CTNNA3: variants seen among roughly 807,000 people sequenced by gnomAD.
CTNNA3 encodes the protein catenin alpha-3.
Under a neutral mutation model 95.7 loss-of-function variants are expected in CTNNA3, and 76 were observed. The ratio of observed to expected loss-of-function variants is 0.79; its 90% CI spans 0.66 to 0.96. CTNNA3 has a LOEUF of 0.96. CTNNA3 is among the 40% of genes least tolerant of loss of function. CTNNA3 has a pLI of 0.00. For synonymous variants in CTNNA3, 431 were observed against 374.4 expected (o/e 1.15, Z -1.74); for missense variants, 1,191 against 1,089.8 (o/e 1.09, Z -1.31).
intron 7 of CTNNA3, among the ~76,000 whole-genome samples, chr10:67,007,148 A>G (rs1378082015): frequency 6.6e-6 from 1 of 152,180 alleles, no homozygotes; most frequent in Non-Finnish European, 1.5e-5. Flanking sequence ...TAGGTTCAAG[A>G]GCATTGTCAA....
intron 7 of CTNNA3, among the ~76,000 whole-genome samples, chr10:66,858,116 T>C (rs1387760333): frequency 6.6e-6 from 1 of 152,068 alleles, no homozygotes. Flanking sequence ...CATGAAAAGA[T>C]GTTAAATTGT....
At chr10:67,636,554 A>T (rs4384298) in intron 2 of CTNNA3, among the ~76,000 whole-genome samples, 20,114 of 152,102 alleles carry the variant, frequency 0.13, 2,365 homozygotes, top group African/African-American at 0.32. Context: ...AACCTGACAA[A>T]AACAAGCAAT....
chr10:66,106,863 G>T (rs1414645844), intron 13 of CTNNA3, among the ~76,000 whole-genome samples: 1 of 151,950 alleles, frequency 6.6e-6, no homozygotes, highest in African/African-American at 2.4e-5. Flanking sequence ...CTGTCCTTTA[G>T]ATTCTACACA....
intron 12 of CTNNA3, among the ~76,000 whole-genome samples, chr10:66,303,385 C>T (rs915887768): frequency 1.3e-5 from 2 of 151,832 alleles, no homozygotes; most frequent in Non-Finnish European, 2.9e-5. Context: ...TTAAGATGCA[C>T]AGTAAAATAA....
chr10:67,100,695 G>T (rs139302041), intron 7 of CTNNA3, among the ~76,000 whole-genome samples: 5 of 151,736 alleles, frequency 3.3e-5, no homozygotes, highest in African/African-American at 9.6e-5. Flanking sequence ...GCCAGCAGCT[G>T]CAGCAAACCA....
At chr10:67,616,442 TCCGTTGCTGTAGC>T (rs1843659035) in intron 2 of CTNNA3, among the ~76,000 whole-genome samples, 1 of 151,902 alleles carries the variant, frequency 6.6e-6, no homozygotes, top group Admixed American at 6.6e-5. Flanking sequence ...CAGTTAGGAG[TCCGTTGCTGTAGC>T]CCAAGTGAAG....
intron 5 of CTNNA3, among the ~76,000 whole-genome samples, chr10:67,347,468 C>A (rs999302600): frequency 6.6e-6 from 1 of 152,118 alleles, no homozygotes; most frequent in Non-Finnish European, 1.5e-5. Flanking sequence ...TAAAAAAATT[C>A]GTTCAATCAT....
At chr10:67,374,079 T>C (rs1300879985) in intron 5 of CTNNA3, among the ~76,000 whole-genome samples, 1 of 152,198 alleles carries the variant, frequency 6.6e-6, no homozygotes. Flanking sequence ...CAGACCACTG[T>C]AGTAAATTAT....
At chr10:66,814,460 G>A (rs1453804326) in intron 7 of CTNNA3, among the ~76,000 whole-genome samples, 5 of 151,942 alleles carry the variant, frequency 3.3e-5, no homozygotes, top group African/African-American at 9.7e-5. Context: ...GCAAAAAGAC[G>A]GGCTGGGTGC....
chr10:66,285,542 T>C (rs986344315), intron 12 of CTNNA3, among the ~76,000 whole-genome samples: 2 of 151,904 alleles, frequency 1.3e-5, no homozygotes, highest in Non-Finnish European at 2.9e-5. Context: ...CATTTTCTAA[T>C]TTGTTTACAT....
intron 4 of CTNNA3, among the ~76,000 whole-genome samples, chr10:67,525,875 A>G (rs746047007): frequency 6.6e-6 from 1 of 152,172 alleles, no homozygotes; most frequent in African/African-American, 2.4e-5. Context: ...TATTTCATGC[A>G]TTTATACGAG....
At chr10:66,754,073 C>A (rs768626212) in intron 9 of CTNNA3, among the ~76,000 whole-genome samples, 2 of 152,126 alleles carry the variant, frequency 1.3e-5, no homozygotes, top group African/African-American at 2.4e-5. Flanking sequence ...AAAAGCCAAA[C>A]AACCTTAATG....
At chr10:66,493,939 GC>G (rs1237245209) in intron 11 of CTNNA3, among the ~76,000 whole-genome samples, 1 of 96,334 alleles carries the variant, frequency 1.0e-5, no homozygotes, top group Non-Finnish European at 1.9e-5. Flanking sequence ...ACTGAGTCTT[GC>G]TGTGTCACCC....
At position 65,915,922 on chromosome 10, in the gene CTNNA3, A is replaced by T. The variant is rs996832748; in HGVS notation, c.*4408T>A. 6.6e-6 allele frequency: 1 copy of T among 152,222 alleles called. No individual in the cohort carries two copies. The highest frequency in any genetic ancestry group is 2.4e-5 in the African/African-American group (1 of 41,458). The allele number at this position is 152,222 out of a possible 1,614,324, so 9.4% of individuals were successfully genotyped here. On this transcript the variant is annotated 3_prime_UTR_variant, in exon 18 of 18. Coordinates refer to ENST00000433211, the MANE Select transcript of CTNNA3 (RefSeq NM_013266.4). ...TCTCTTTCTCTTTGAGATGACTAAG[A>T]TAGCGTTAGTAGCCTCATTCAAAAC...
chr10:66,392,459 G>A (rs1258820024), intron 11 of CTNNA3, among the ~76,000 whole-genome samples: 1 of 151,812 alleles, frequency 6.6e-6, no homozygotes, highest in Non-Finnish European at 1.5e-5. Flanking sequence ...AGAATAAAAA[G>A]CCACAGACTG....
intron 7 of CTNNA3, among the ~76,000 whole-genome samples, chr10:67,132,338 G>C (rs992713342): frequency 6.6e-6 from 1 of 152,076 alleles, no homozygotes; most frequent in Non-Finnish European, 1.5e-5. Context: ...CTAAGAGTCG[G>C]TAGGTTATAT....
chr10:66,266,979 G>A (rs2091173689), intron 13 of CTNNA3, among the ~76,000 whole-genome samples: 1 of 151,898 alleles, frequency 6.6e-6, no homozygotes. Context: ...TAAATATATT[G>A]TAAGAGATTG....
At chr10:67,380,692 A>G (rs1843908886) in intron 5 of CTNNA3, among the ~76,000 whole-genome samples, 1 of 152,206 alleles carries the variant, frequency 6.6e-6, no homozygotes, top group Non-Finnish European at 1.5e-5. Flanking sequence ...GGGAAGACGA[A>G]AACAGTAGGA....
At chr10:66,882,301 G>C (rs1021398129) in intron 7 of CTNNA3, among the ~76,000 whole-genome samples, 3 of 152,064 alleles carry the variant, frequency 2.0e-5, no homozygotes, top group Non-Finnish European at 4.4e-5. Flanking sequence ...AATTAAATTT[G>C]AGTTAGAGCA....
Sources: gnomAD v4.1 joint callset for allele counts (sites outside exome capture counted in the v4.1 genomes callset) on GRCh38, gnomAD v4.1.1 for gene constraint, MANE v1.5 for transcripts, NCBI Gene and HGNC (gene_info 2026-07-23, HGNC 2026-07-21) for gene names.